ASAP3: variants seen among roughly 807,000 people sequenced by gnomAD.
ASAP3 encodes arf-GAP with SH3 domain, ANK repeat and PH domain-containing protein 3.
ASAP3 carries 85 observed loss-of-function variants against 118.2 expected under a neutral mutation model. That is an observed-to-expected ratio of 0.72 (90% confidence interval 0.60 to 0.86). The LOEUF (loss-of-function observed/expected upper bound fraction) is 0.86, where lower values mean the gene tolerates loss of function less well. Among genes scored for constraint, ASAP3 ranks in the 40% least tolerant of loss-of-function variants. The pLI is 0.00. For synonymous variants in ASAP3, 432 were observed against 477.4 expected, an observed-to-expected ratio of 0.90 and a Z score of 1.24; for missense variants, 1,026 against 1,175.0, an observed-to-expected ratio of 0.87 and a Z score of 1.85.
intron 10 of ASAP3, 130 bp downstream of exon 10, chr1:23,440,972 G>T: frequency 1.2e-6 from 1 of 802,990 alleles, no homozygotes. Flanking sequence ...CCCAGGAATT[G>T]AGGATTTTAC....
chr1:23,442,440 G>A (rs1640905597), intron 6 of ASAP3, 61 bp downstream of exon 6: 1 of 1,599,790 alleles, frequency 6.3e-7, no homozygotes, highest in East Asian at 2.2e-5. Context: ...CTGGTCCCCT[G>A]GAGAGGCAGA....
intron 17 of ASAP3, 33 bp downstream of exon 17, chr1:23,435,818 T>C (rs761750400): frequency 1.7e-5 from 27 of 1,613,364 alleles, no homozygotes; most frequent in Non-Finnish European, 2.2e-5. Flanking sequence ...GTTAGACAGG[T>C]GGGTTATAAG....
chr1:23,432,439 C>G (rs553833680), intron 22 of ASAP3, among the ~76,000 whole-genome samples: 89 of 152,328 alleles, frequency 5.8e-4, no homozygotes, highest in Non-Finnish European at 1.1e-3. Context: ...TGCTCATACC[C>G]TGTCCCAGTT....
Position 23,484,024 on chromosome 1 carries a change from GC to G in ASAP3, c.109del (p.Ala37ArgfsTer19), listed in dbSNP as rs1361905759. The G allele has an allele frequency of 7.7e-7, 1 of 1,300,290 alleles. No homozygotes were observed. Among genetic ancestry groups the G allele is most frequent in the Non-Finnish European group, 9.7e-7 (1 of 1,026,876 alleles). The allele number at this position is 1,300,290 out of a possible 1,614,324, so 80.5% of individuals were successfully genotyped here. On this transcript the variant is annotated frameshift_variant, in exon 1 of 25. Transcript: ENST00000336689. LOFTEE classifies it high-confidence loss of function. ...CCTCACCTCCTCCCGCGCCAGCGCC[GC>G]CCCTCGGTACCGGGGCATCTTGGCG... ...FAAKMPRYRG[A>X]ALAREEILEG...
intron 22 of ASAP3, 86 bp from the exon 23 acceptor site, chr1:23,432,004 ATTTTT>A: frequency 1.6e-4 from 100 of 622,062 alleles, no homozygotes; most frequent in South Asian, 5.6e-4. Context: ...GGCCTCTAGG[ATTTTT>A]TTTTTTTTTT....
intron 1 of ASAP3, among the ~76,000 whole-genome samples, chr1:23,473,974 C>CTTTTTTTTGTTTTTTTTT (rs1642038323): frequency 1.4e-5 from 1 of 72,104 alleles, no homozygotes; most frequent in African/African-American, 6.8e-5. Flanking sequence ...TAAATCTGCT[C>CTTTTTTTTGTTTTTTTTT]TTTTTTTTTT....
chr1:23,476,021 T>C (rs1642117111), intron 1 of ASAP3, among the ~76,000 whole-genome samples: 2 of 151,836 alleles, frequency 1.3e-5, no homozygotes, highest in Non-Finnish European at 2.9e-5. Context: ...CCCTGCCAGA[T>C]TTCCCCTTCT....
chr1:23,444,563 C>G (rs2148621696), intron 5 of ASAP3, among the ~76,000 whole-genome samples: 1 of 152,290 alleles, frequency 6.6e-6, no homozygotes, highest in East Asian at 1.9e-4. Flanking sequence ...TTATCTGTAC[C>G]CAGATGAGGC....
intron 1 of ASAP3, among the ~76,000 whole-genome samples, chr1:23,474,940 T>C (rs953963416): frequency 6.6e-6 from 1 of 152,206 alleles, no homozygotes; most frequent in Non-Finnish European, 1.5e-5. Flanking sequence ...AGGCAGCACC[T>C]GCATGGGAAT....
intron 1 of ASAP3, among the ~76,000 whole-genome samples, chr1:23,462,294 GA>G (rs1641619105): frequency 6.6e-6 from 1 of 151,600 alleles, no homozygotes. Context: ...AAAGTGCTGG[GA>G]TTACAGGCGT....
chr1:23,448,480 C>T (rs1281033573), intron 5 of ASAP3, among the ~76,000 whole-genome samples: 1 of 151,988 alleles, frequency 6.6e-6, no homozygotes, highest in Non-Finnish European at 1.5e-5. Flanking sequence ...TTTTTAGAGA[C>T]AAGGTCTAGC....
intron 1 of ASAP3, among the ~76,000 whole-genome samples, chr1:23,461,465 G>A (rs753956481): frequency 1.3e-5 from 2 of 152,032 alleles, no homozygotes; most frequent in Non-Finnish European, 2.9e-5. Context: ...AGCCTAGTTC[G>A]AGGCCAGCCT....
chr1:23,433,823 C>CA, intron 19 of ASAP3, 130 bp from the exon 20 acceptor site: 2 of 1,171,738 alleles, frequency 1.7e-6, no homozygotes, highest in Non-Finnish European at 2.4e-6. Flanking sequence ...GGCTATGTGA[C>CA]CATAGGCAAG....
intron 3 of ASAP3, among the ~76,000 whole-genome samples, chr1:23,454,617 C>T (rs1641326787): frequency 6.6e-6 from 1 of 152,176 alleles, no homozygotes; most frequent in Admixed American, 6.5e-5. Context: ...TGCACCCAGC[C>T]TCAAACACTG....
intron 5 of ASAP3, among the ~76,000 whole-genome samples, chr1:23,447,369 C>T (rs906175484): frequency 1.3e-5 from 2 of 152,182 alleles, no homozygotes; most frequent in African/African-American, 4.8e-5. Context: ...TTGTTCATCT[C>T]TTACTGTGCT....
chr1:23,438,836 T>C lies in ASAP3; in HGVS notation c.1015-2A>G. The C allele has an allele frequency of 6.2e-7, 1 of 1,614,226 alleles. No homozygotes were observed. The highest frequency in any genetic ancestry group is 1.1e-5 in the South Asian group (1 of 91,090). ...CAGCTTCACCGGGGGCCGGTTTATC[T>C]GTGGGAATTTAGGGGCGGAGGATGT... On this transcript the variant is annotated splice_acceptor_variant, in intron 11 of 24. Transcript: ENST00000336689. LOFTEE classifies it high-confidence loss of function. This position sits in a 1 kb window ranked among gnomAD's most constrained non-coding sequence, Gnocchi z 4.9.
chr1:23,437,318 C>T lies in ASAP3; in HGVS notation c.1154G>A (p.Trp385Ter). ...QAEDEHECEA[W>*]VSVLQNSKDE... The stretch of plus-strand genomic sequence containing the variant: ...CTTGCTGTTCTGCAACACTGACACC[C>T]ACCTGCGGAGATTGAACGGGGTGGG... Residue 385 changes from tryptophan to a stop codon, truncating the protein, a stop_gained and splice_region_variant, in exon 14 of 25, where the codon TGG becomes TAG. Transcript: ENST00000336689. LOFTEE classifies it high-confidence loss of function. The surrounding 1 kb of genome is among the most constrained non-coding windows in gnomAD (Gnocchi z 6.1). The T allele has an allele frequency of 2.5e-6, 4 of 1,609,630 alleles. No homozygotes were observed. The highest frequency in any genetic ancestry group is 3.4e-6 in the Non-Finnish European group (4 of 1,177,452).
chr1:23,482,937 G>GCGAGACTC (rs1642357425), intron 1 of ASAP3, among the ~76,000 whole-genome samples: 2 of 150,802 alleles, frequency 1.3e-5, no homozygotes, highest in South Asian at 2.1e-4. Context: ...GGGCGACACA[G>GCGAGACTC]CGAGACTCCG....
At chr1:23,430,541 G>A (rs1330447473) in intron 24 of ASAP3, among the ~76,000 whole-genome samples, 1 of 152,212 alleles carries the variant, frequency 6.6e-6, no homozygotes, top group Middle Eastern at 3.2e-3. Context: ...GGAGACTCAT[G>A]AACAAGGGGA....
Sources: allele counts gnomAD v4.1 joint callset (sites outside exome capture counted in the v4.1 genomes callset), GRCh38; gene constraint gnomAD v4.1.1; non-coding constraint Gnocchi (gnomAD v3.1); transcripts MANE v1.5; gene names NCBI Gene and HGNC (gene_info 2026-07-23, HGNC 2026-07-21).